The following EXO5 variants were observed in gnomAD, a reference collection of about 807,000 sequenced individuals.
EXO5 encodes the protein exonuclease 5, also known as exonuclease V.
Under a neutral mutation model 17.8 loss-of-function variants are expected in EXO5, and 11 were observed. The observed-to-expected ratio is 0.62, with a 90% CI of 0.39 to 1.02. The LOEUF is 1.02. Among genes scored for constraint, EXO5 ranks in the 50% least tolerant of loss-of-function variants. EXO5 has a pLI of 0.00. For synonymous variants in EXO5, 147 were observed against 166.5 expected, an observed-to-expected ratio of 0.88 and a Z score of 0.90; for missense variants, 364 against 434.8, an observed-to-expected ratio of 0.84 and a Z score of 1.45.
chr1:40,512,810 T>C (rs2124486838), intron 3 of EXO5, among the ~76,000 whole-genome samples: 1 of 152,232 alleles, frequency 6.6e-6, no homozygotes, highest in South Asian at 2.1e-4. Flanking sequence ...TATTTTTAGT[T>C]TCACCATGCT....
intron 3 of EXO5, among the ~76,000 whole-genome samples, chr1:40,512,819 C>A (rs4660415): frequency 0.26 from 39,859 of 151,950 alleles, 6,786 homozygotes; most frequent in East Asian, 0.47. Flanking sequence ...TTTCACCATG[C>A]TGGCCAGGCT....
At chr1:40,512,705 G>A (rs535065744) in intron 3 of EXO5, among the ~76,000 whole-genome samples, 5 of 152,148 alleles carry the variant, frequency 3.3e-5, no homozygotes, top group East Asian at 1.9e-4. Flanking sequence ...AGGTTCAAGC[G>A]ATTTTCCTGC....
In EXO5 at chr1:40,515,154, A is replaced by T; in HGVS notation, c.610A>T (p.Met204Leu). ...LAELKTRRRP[M>L]LPLEAQKKKD... ...GGAACTCAAGACACGCAGGCGCCCT[A>T]TGCTCCCTCTGGAAGCTCAGAAGAA... The change falls in exon 4 of 4, where the codon ATG (methionine) becomes TTG (leucine). Residue 204 changes from methionine (M) to leucine (L), a missense_variant. Transcript: ENST00000415550. The T allele has an allele frequency of 1.2e-6, 2 of 1,614,060 alleles. No homozygotes were observed. Among genetic ancestry groups the T allele is most frequent in the Non-Finnish European group, 1.7e-6 (2 of 1,180,014 alleles).
At chr1:40,511,562 A>G (rs1031678882) in intron 3 of EXO5, among the ~76,000 whole-genome samples, 1 of 152,234 alleles carries the variant, frequency 6.6e-6, no homozygotes, top group African/African-American at 2.4e-5. Context: ...CTATTTAAAA[A>G]TCAGTTAAAC....
chr1:40,512,656 C>T (rs1282551891), intron 3 of EXO5, among the ~76,000 whole-genome samples: 1 of 152,138 alleles, frequency 6.6e-6, no homozygotes, highest in Non-Finnish European at 1.5e-5. Context: ...GGCTGGAGTG[C>T]AGTGGTGTTA....
At position 40,508,828 on chromosome 1, in the gene EXO5, C is replaced by T. The variant is rs1481278516; in HGVS notation, c.-344C>T. Reference sequence around the variant, plus strand: ...GCGCGCTCTGCCCGGCTTCCTCAGTCTCCTCGCCGGGAGCGTCCGGGAGCA... The same window carrying T: ...GCGCGCTCTGCCCGGCTTCCTCAGTTTCCTCGCCGGGAGCGTCCGGGAGCA... On this transcript the variant is annotated 5_prime_UTR_variant, in exon 1 of 4. Transcript: ENST00000415550. The surrounding 1 kb of genome is among the most constrained non-coding windows in gnomAD (Gnocchi z 4.2). The T allele has an allele frequency of 2.6e-5, 4 of 152,368 alleles. No individual in the cohort carries two copies. The highest frequency in any genetic ancestry group is 9.6e-5 in the African/African-American group (4 of 41,474). The allele number at this position is 152,368 out of a possible 1,614,324, so 9.4% of individuals were successfully genotyped here. A position where few individuals can be genotyped will look rare whatever the true frequency, so the allele number is the denominator to read the frequency against.
Position 40,514,555 on chromosome 1 carries a change from CAAGAG to C in EXO5, c.17_21del (p.Glu6GlyfsTer15), listed in dbSNP as rs757641363. 1 of 1,612,740 alleles carries C rather than the reference CAAGAG, an allele frequency of 6.2e-7. No homozygotes were observed. Among genetic ancestry groups the C allele is most frequent in the African/African-American group, 1.3e-5 (1 of 74,768 alleles). ...ATCCAGAGCTGTACCATGGCAGAGA[CAAGAG>C]AAGAGGAGACAGTGTCAGCAGAAGC... is the stretch of plus-strand genomic sequence containing the variant. On this transcript the variant is annotated frameshift_variant, in exon 4 of 4. Transcript: ENST00000415550. LOFTEE classifies it high-confidence loss of function.
At position 40,515,933 on chromosome 1, in the gene EXO5, AC is replaced by A. The variant is rs1570093674; in HGVS notation, c.*268del. Reference sequence around the variant, plus strand: ...CTGGAATGAAGGTATCCTTCAGTAAACTTTGCTTTCCTAAGAAAATTCTTCA... The same window carrying A: ...CTGGAATGAAGGTATCCTTCAGTAAATTTGCTTTCCTAAGAAAATTCTTCA... On this transcript the variant is annotated 3_prime_UTR_variant, in exon 4 of 4. Coordinates refer to ENST00000415550, the MANE Select transcript of EXO5 (RefSeq NM_001346953.2). 8 of 348,876 alleles carry A rather than the reference AC, an allele frequency of 2.3e-5. No individual in the cohort carries two copies. In the East Asian group the frequency reaches 4.3e-4, roughly 19 times the overall value. 21.6% of individuals were successfully genotyped at this position (348,876 alleles called of 1,614,324 possible).
In EXO5 at chr1:40,510,818, C is replaced by G. The variant is rs550863789; in HGVS notation, c.-31+1028C>G. Among the ~76,000 whole-genome samples the G allele has an allele frequency of 3.9e-5, 6 of 152,280 alleles. No homozygotes were observed. The East Asian group carries it at 9.6e-4, about 24-fold the overall frequency. On this transcript the variant is annotated intron_variant, in intron 3 of 3. Coordinates refer to ENST00000415550, the MANE Select transcript of EXO5 (RefSeq NM_001346953.2). ...TTAAGTAGCCACATATGGCTAGTGG[C>G]TACTAATGGCTACCATATTGGACAG...
intron 3 of EXO5, among the ~76,000 whole-genome samples, 170 bp downstream of exon 3, chr1:40,509,960 AT>A (rs1645742123): frequency 1.3e-5 from 2 of 152,204 alleles, no homozygotes; most frequent in Non-Finnish European, 2.9e-5. Flanking sequence ...GTTAGTAGGT[AT>A]TTTAAAAATG....
At chr1:40,510,754 T>C (rs1645759412) in intron 3 of EXO5, among the ~76,000 whole-genome samples, 1 of 152,250 alleles carries the variant, frequency 6.6e-6, no homozygotes, top group Admixed American at 6.5e-5. Context: ...ATATGGCTAG[T>C]GCAACTGAGA....
Position 40,515,754 on chromosome 1 carries a change from T to G in EXO5, c.*88T>G. ...GACCAGTCTCTGAGCTTGGCTTTTA[T>G]GGAGAGTGTTCTTATTTTGGTTCTT... On this transcript the variant is annotated 3_prime_UTR_variant, in exon 4 of 4. Coordinates refer to ENST00000415550, the MANE Select transcript of EXO5 (RefSeq NM_001346953.2). 3.6e-6 allele frequency: 5 copies of G among 1,404,522 alleles called. No homozygotes were observed. The highest frequency in any genetic ancestry group is 4.8e-6 in the Non-Finnish European group (5 of 1,034,920). The allele number at this position is 1,404,522 out of a possible 1,614,324, so 87.0% of individuals were successfully genotyped here.
At chr1:40,510,500 C>G (rs1389790987) in intron 3 of EXO5, among the ~76,000 whole-genome samples, 4 of 152,222 alleles carry the variant, frequency 2.6e-5, no homozygotes, top group African/African-American at 7.2e-5. Context: ...GAATGCCCTG[C>G]TTTGTATCTT....
rs1490964905 is a variant in EXO5, at chr1:40,515,439, A to G, written c.895A>G (p.Thr299Ala). The change falls in exon 4 of 4, where the codon ACT (threonine) becomes GCT (alanine). Residue 299 changes from threonine (T) to alanine (A), a missense_variant. Coordinates refer to ENST00000415550, the MANE Select transcript of EXO5 (RefSeq NM_001346953.2). ...ILKIEYIHQE[T>A]ATVLGTEIVA... ...GAAGATTGAGTATATCCACCAAGAG[A>G]CTGCCACTGTGCTGGGTACTGAGAT... is the stretch of plus-strand genomic sequence containing the variant. The G allele has an allele frequency of 3.1e-6, 5 of 1,613,790 alleles. No individual in the cohort carries two copies. In the Admixed American group the frequency reaches 8.3e-5, roughly 27 times the overall value.
chr1:40,510,898 G>A (rs1326686897), intron 3 of EXO5, among the ~76,000 whole-genome samples: 2 of 152,206 alleles, frequency 1.3e-5, no homozygotes, highest in African/African-American at 4.8e-5. Flanking sequence ...TGGACTTGGA[G>A]TTCCCCCTCA....
rs142003191 is a variant in EXO5 at position 40,514,205 on chromosome 1, G to A, written c.-30-310G>A. Among the ~76,000 whole-genome samples the A allele has an allele frequency of 0.058, 8,758 of 151,734 alleles. 357 individuals carry two copies. The highest frequency in any genetic ancestry group is 0.1 in the African/African-American group (4,307 of 41,362). ...TGAGGCAGGAGAATGGCATGAACCC[G>A]GGAGGCAGAGCTTGCAGTGAGCCGA... On this transcript the variant is annotated intron_variant, in intron 3 of 3. Coordinates refer to ENST00000415550, the MANE Select transcript of EXO5 (RefSeq NM_001346953.2).
intron 3 of EXO5, among the ~76,000 whole-genome samples, chr1:40,513,676 A>G (rs920179504): frequency 2.0e-5 from 3 of 147,764 alleles, no homozygotes; most frequent in Admixed American, 6.9e-5. Context: ...TGCAACTTCC[A>G]TCTCCCTGTT....
intron 3 of EXO5, 94 bp downstream of exon 3, chr1:40,509,884 C>G (rs1645740439): frequency 6.6e-6 from 1 of 152,222 alleles, no homozygotes; most frequent in Non-Finnish European, 1.5e-5. Flanking sequence ...AGAAGGAGAT[C>G]TATCTTCATC....
chr1:40,510,152 C>T (rs1168916204), intron 3 of EXO5, among the ~76,000 whole-genome samples: 3 of 152,086 alleles, frequency 2.0e-5, no homozygotes, highest in African/African-American at 7.2e-5. Context: ...AACAATTTTG[C>T]CATACCTGTG....
Sources: gnomAD v4.1 joint callset for allele counts (sites outside exome capture counted in the v4.1 genomes callset) on GRCh38, gnomAD v4.1.1 for gene constraint, Gnocchi (gnomAD v3.1) non-coding constraint, MANE v1.5 for transcripts, NCBI Gene and HGNC (gene_info 2026-07-23, HGNC 2026-07-21) for gene names.